Variants in RP1 observed in about 807,000 individuals in gnomAD.
The protein encoded by RP1 is RP1 axonemal microtubule associated.
RP1 carries 16 observed loss-of-function variants against 14.8 expected under a neutral mutation model. The ratio of observed to expected loss-of-function variants is 1.08; its 90% confidence interval spans 0.73 to 1.65. RP1 has a LOEUF of 1.65. Ranked by LOEUF, RP1 falls within the 40% of genes most tolerant of loss-of-function variation. The pLI, the probability that RP1 is intolerant of heterozygous loss-of-function variation, is 0.00. For missense variants in RP1, 2,631 were observed against 2,535.0 expected, an observed-to-expected ratio of 1.04 and a Z score of -0.81; for synonymous variants, 876 against 883.6, an observed-to-expected ratio of 0.99 and a Z score of 0.15.
At chr8:54,734,503 A>G in intron 17 of RP1, 1 of 1,491,780 alleles carries the variant, frequency 6.7e-7, no homozygotes, top group Non-Finnish European at 8.9e-7. Context: ...TGTCAGCCTG[A>G]TGTTATATCT....
At chr8:54,767,841 T>G in intron 22 of RP1, among the ~76,000 whole-genome samples, 1 of 152,226 alleles carries the variant, frequency 6.6e-6, no homozygotes, top group East Asian at 1.9e-4. Flanking sequence ...TGTGTGTTAT[T>G]AGGCTCCAGA....
At chr8:54,706,078 G>A (rs1808144037) in intron 14 of RP1, among the ~76,000 whole-genome samples, 1 of 151,962 alleles carries the variant, frequency 6.6e-6, no homozygotes, top group South Asian at 2.1e-4. Flanking sequence ...TCCATAGAGA[G>A]TATTCCATAA....
Position 54,629,640 on chromosome 8 carries a change from A to G in RP1, c.5758A>G (p.Ile1920Val). 1.2e-6 allele frequency: 2 copies of G among 1,613,986 alleles called. No individual in the cohort carries two copies. The highest frequency in any genetic ancestry group is 8.5e-7 in the Non-Finnish European group (1 of 1,179,998). Residue 1920 changes from isoleucine to valine, a missense_variant, in exon 4 of 4, where the codon ATA becomes GTA. Physicochemically the swap from Ile to Val is conservative, Grantham distance 29 (BLOSUM62 3). Transcript: ENST00000220676. Reference sequence around the variant, plus strand: ...TGCTCTTTGTGGTCAACATTGCCCAATACTAACTGTTATTATCCAACCCAT... The same window carrying G: ...TGCTCTTTGTGGTCAACATTGCCCAGTACTAACTGTTATTATCCAACCCAT... ...LYALCGQHCP[I>V]LTVIIQPMNE...
At chr8:54,726,290 T>G in intron 16 of RP1, 1 of 1,483,986 alleles carries the variant, frequency 6.7e-7, no homozygotes, top group Non-Finnish European at 8.9e-7. Context: ...ATGAGTATTC[T>G]GAGAAGAAAC....
intron 19 of RP1, among the ~76,000 whole-genome samples, chr8:54,751,667 A>G (rs1461593158): frequency 6.6e-6 from 1 of 152,252 alleles, no homozygotes; most frequent in African/African-American, 2.4e-5. Context: ...CACTTGCCAC[A>G]TGCCTTTTAC....
At chr8:54,675,678 A>G (rs1807281419) in intron 8 of RP1, among the ~76,000 whole-genome samples, 2 of 152,182 alleles carry the variant, frequency 1.3e-5, no homozygotes, top group African/African-American at 4.8e-5. Flanking sequence ...CATTTAAGGT[A>G]TTTCAGTCCT....
intron 23 of RP1, among the ~76,000 whole-genome samples, chr8:54,779,248 T>G (rs1370328091): frequency 6.6e-6 from 1 of 152,196 alleles, no homozygotes; most frequent in Non-Finnish European, 1.5e-5. Flanking sequence ...TGAATCTTCC[T>G]GTGTCCTCCT....
At chr8:54,692,211 T>A (rs1463507796) in intron 12 of RP1, among the ~76,000 whole-genome samples, 1 of 151,498 alleles carries the variant, frequency 6.6e-6, no homozygotes, top group African/African-American at 2.4e-5. Flanking sequence ...TAATCCAGTC[T>A]ATCGTTGTTG....
intron 24 of RP1, among the ~76,000 whole-genome samples, chr8:54,825,664 T>C (rs929609673): frequency 6.6e-6 from 1 of 152,254 alleles, no homozygotes; most frequent in Non-Finnish European, 1.5e-5. Context: ...CATGATTTTC[T>C]GTCTAGTTGT....
At chr8:54,574,348 G>A (rs532113263) in intron 1 of RP1, among the ~76,000 whole-genome samples, 131 of 152,252 alleles carry the variant, frequency 8.6e-4, no homozygotes, top group African/African-American at 2.7e-3. Context: ...CCCATTCCAC[G>A]CATGGCTATT....
chr8:54,617,679 A>G (rs1019135718), intron 1 of RP1, among the ~76,000 whole-genome samples: 1 of 151,950 alleles, frequency 6.6e-6, no homozygotes, highest in Non-Finnish European at 1.5e-5. Context: ...CCTACCCCCA[A>G]TCCCTGAGGC....
intron 12 of RP1, among the ~76,000 whole-genome samples, chr8:54,682,124 C>T (rs1399049895): frequency 6.6e-6 from 1 of 152,134 alleles, no homozygotes; most frequent in African/African-American, 2.4e-5. Context: ...ACCACACTGC[C>T]TTCCATAATG....
intron 24 of RP1, among the ~76,000 whole-genome samples, chr8:54,819,429 G>A (rs535606419): frequency 1.1e-4 from 17 of 152,138 alleles, no homozygotes; most frequent in Admixed American, 2.6e-4. Context: ...CTGTCTGAAA[G>A]GTCACATATC....
chr8:54,580,153 A>AGTG (rs1554516206), intron 1 of RP1, among the ~76,000 whole-genome samples: 1 of 151,946 alleles, frequency 6.6e-6, no homozygotes, highest in African/African-American at 2.4e-5. Context: ...CTGTAGAATG[A>AGTG]AGTAACTGCT....
Position 54,679,821 on chromosome 8 carries a change from GAA to G in RP1, c.1606_1607del (p.Lys536ValfsTer11). 6.5e-7 allele frequency: 1 copy of G among 1,535,914 alleles called. No homozygotes were observed. The highest frequency in any genetic ancestry group is 8.7e-7 in the Non-Finnish European group (1 of 1,146,824). On this transcript the variant is annotated frameshift_variant, in exon 12 of 23. Transcript: ENST00000636932. LOFTEE classifies it high-confidence loss of function. ...CTTTTTAGTGGACTGCAGAAAGCTG[GAA>G]GTTTACAAAAGGAAATACTCTTCAG...
chr8:54,756,968 G>T (rs139590239), intron 21 of RP1, among the ~76,000 whole-genome samples: 3 of 152,302 alleles, frequency 2.0e-5, no homozygotes, highest in African/African-American at 4.8e-5. Context: ...AGATATAGTT[G>T]CAATCAGTGT....
At chr8:54,830,892 A>G (rs2129401006) in intron 24 of RP1, among the ~76,000 whole-genome samples, 1 of 152,214 alleles carries the variant, frequency 6.6e-6, no homozygotes, top group African/African-American at 2.4e-5. Context: ...GCTGGCAACC[A>G]GTAATCTGTT....
chr8:54,705,621 C>T (rs1347471975), intron 14 of RP1, among the ~76,000 whole-genome samples: 2 of 152,174 alleles, frequency 1.3e-5, no homozygotes, highest in Admixed American at 1.3e-4. Flanking sequence ...TCAGGCATGA[C>T]ACTCCAAGGG....
chr8:54,830,506 G>C (rs1374319985), intron 24 of RP1, among the ~76,000 whole-genome samples: 5 of 152,042 alleles, frequency 3.3e-5, no homozygotes, highest in African/African-American at 1.2e-4. Context: ...TTAATATACA[G>C]ATGCAGATTT....
Sources: allele counts gnomAD v4.1 joint callset (sites outside exome capture counted in the v4.1 genomes callset), GRCh38; gene constraint gnomAD v4.1.1; transcripts MANE v1.5; gene names NCBI Gene and HGNC (gene_info 2026-07-23, HGNC 2026-07-21).